Variants in VRTN observed in about 807,000 individuals in gnomAD.
VRTN encodes vertnin.
In VRTN, 5 loss-of-function variants were observed where a neutral mutation model predicts 18.2. The ratio of observed to expected loss-of-function variants is 0.27; its 90% CI spans 0.14 to 0.58. The LOEUF is 0.58. Ranked by LOEUF, VRTN falls within the 20% of genes least tolerant of loss-of-function variation. The pLI, the probability that VRTN is intolerant of heterozygous loss-of-function variation, is 0.91. For missense variants in VRTN, 741 were observed against 939.4 expected, an observed-to-expected ratio of 0.79 and a Z score of 2.76; for synonymous variants, 381 against 393.7, an observed-to-expected ratio of 0.97 and a Z score of 0.38.
intron 2 of VRTN, among the ~76,000 whole-genome samples, chr14:74,340,275 G>A (rs749331223): frequency 5.1e-4 from 78 of 152,236 alleles, no homozygotes; most frequent in Non-Finnish European, 9.6e-4. Flanking sequence ...ACCACGCCCG[G>A]CTAATTTTGT....
chr14:74,321,460 G>A (rs184702148), intron 1 of VRTN, among the ~76,000 whole-genome samples: 8 of 152,058 alleles, frequency 5.3e-5, no homozygotes, highest in East Asian at 1.9e-4. Context: ...GGAAGTAACC[G>A]GGATGTCTGG....
chr14:74,312,541 C>T (rs551272973), intron 1 of VRTN, among the ~76,000 whole-genome samples: 6 of 152,104 alleles, frequency 3.9e-5, no homozygotes, highest in East Asian at 1.9e-4. Flanking sequence ...GCCTCGACCT[C>T]CCAGGCTCGA....
chr14:74,356,719 C>CT, intron 1 of VRTN, 64 bp from the exon 2 acceptor site: 10 of 1,510,462 alleles, frequency 6.6e-6, no homozygotes, highest in Non-Finnish European at 8.0e-6. Flanking sequence ...GACAGGGCAC[C>CT]TTTGCTAGTC....
Position 74,358,374 on chromosome 14 carries a change from C to G in VRTN, c.1591C>G (p.Leu531Val), listed in dbSNP as rs762996034. The G allele has an allele frequency of 1.9e-6, 3 of 1,613,912 alleles. No individual in the cohort carries two copies. Among genetic ancestry groups the G allele is most frequent in the South Asian group, 2.2e-5 (2 of 91,088 alleles). Reference protein sequence around the residue: ...SGHLPFCRFRLRYPSLSPSAF... With the variant: ...SGHLPFCRFRVRYPSLSPSAF... Reference sequence around the variant, plus strand: ...GCATCTCCCTTTCTGCCGCTTCCGCCTCCGCTACCCCAGCCTGTCACCTTC... The same window carrying G: ...GCATCTCCCTTTCTGCCGCTTCCGCGTCCGCTACCCCAGCCTGTCACCTTC... Residue 531 changes from leucine to valine, a missense_variant, in exon 2 of 2, where the codon CTC becomes GTC. Physicochemically the swap from Leu to Val is conservative, Grantham distance 32. Coordinates refer to ENST00000256362, the MANE Select transcript of VRTN (RefSeq NM_018228.3). This position sits in a 1 kb window ranked among gnomAD's most constrained non-coding sequence, Gnocchi z 5.4.
intron 2 of VRTN, among the ~76,000 whole-genome samples, chr14:74,339,336 A>T (rs2085585262): frequency 6.6e-6 from 1 of 152,042 alleles, no homozygotes. Context: ...GAAGTAGGGG[A>T]GCTGAGACTC....
intron 1 of VRTN, among the ~76,000 whole-genome samples, chr14:74,308,032 C>T (rs2085365523): frequency 6.6e-6 from 1 of 152,122 alleles, no homozygotes; most frequent in African/African-American, 2.4e-5. Flanking sequence ...TTAGAGCCAA[C>T]TTAAAATTAG....
intron 1 of VRTN, among the ~76,000 whole-genome samples, chr14:74,325,213 G>A (rs66753939): frequency 0.034 from 5,116 of 152,212 alleles, 153 homozygotes; most frequent in African/African-American, 0.075. Flanking sequence ...CCTATACAGG[G>A]ACAGCTCCTG....
intron 1 of VRTN, among the ~76,000 whole-genome samples, chr14:74,330,690 C>T (rs1404153945): frequency 3.3e-5 from 5 of 151,912 alleles, no homozygotes; most frequent in Non-Finnish European, 7.4e-5. Flanking sequence ...ATCCGCCTGC[C>T]TCAGCCTCCC....
chr14:74,312,632 G>A (rs1365284151), intron 1 of VRTN, among the ~76,000 whole-genome samples: 5 of 151,814 alleles, frequency 3.3e-5, no homozygotes, highest in African/African-American at 4.8e-5. Context: ...TGTATTTTTT[G>A]TAGAGACGGG....
chr14:74,323,595 C>A (rs572200058), intron 1 of VRTN, among the ~76,000 whole-genome samples: 1 of 151,114 alleles, frequency 6.6e-6, no homozygotes, highest in East Asian at 1.9e-4. Flanking sequence ...AAAAAAAAAA[C>A]CAAACCAACA....
chr14:74,316,637 CTT>C (rs370697776), intron 1 of VRTN, among the ~76,000 whole-genome samples: 44 of 131,178 alleles, frequency 3.4e-4, no homozygotes, highest in East Asian at 7.0e-4. Flanking sequence ...AGGGATTATT[CTT>C]TTTTTTTTTT....
chr14:74,349,501 C>T (rs1371837704), intron 1 of VRTN, among the ~76,000 whole-genome samples: 2 of 152,122 alleles, frequency 1.3e-5, no homozygotes, highest in South Asian at 2.1e-4. Flanking sequence ...GAGAACACAG[C>T]GCCTGCTTTG....
chr14:74,351,461 A>G (rs139879588), intron 1 of VRTN, among the ~76,000 whole-genome samples: 361 of 150,312 alleles, frequency 2.4e-3, no homozygotes, highest in African/African-American at 8.4e-3. Flanking sequence ...TCCACAGCCT[A>G]GAAATTTTGT....
upstream of VRTN, among the ~76,000 whole-genome samples, chr14:74,344,670 G>T (rs1210430816): frequency 2.1e-5 from 3 of 143,378 alleles, no homozygotes; most frequent in Admixed American, 2.2e-4. Flanking sequence ...GGGAGGCAGA[G>T]GTTGCAGTGA....
intron 1 of VRTN, among the ~76,000 whole-genome samples, chr14:74,323,623 A>C (rs934843414): frequency 1.3e-5 from 2 of 151,750 alleles, no homozygotes; most frequent in African/African-American, 4.8e-5. Context: ...AAAAAAAACC[A>C]GTGCAGATTC....
Position 74,352,701 on chromosome 14 carries a change from C to T in VRTN, c.-2+4049C>T, listed in dbSNP as rs565578188. ...GTGCTGGGATTATAGGCGTGTGCCA[C>T]CACGCCTGGCCTTAAGCGTACAGTT... On this transcript the variant is annotated intron_variant, in intron 1 of 1. Transcript: ENST00000256362. Among the ~76,000 whole-genome samples the T allele has an allele frequency of 2.0e-5, 3 of 152,254 alleles. No homozygotes were observed. The South Asian group carries it at 6.2e-4, about 32-fold the overall frequency.
chr14:74,303,203 T>C, intron 1 of VRTN: 1 of 370,512 alleles, frequency 2.7e-6, no homozygotes, highest in Non-Finnish European at 4.8e-6. Flanking sequence ...CTGTGTATAA[T>C]AGATGTTTTA....
At chr14:74,336,294 C>A (rs2085563681) in intron 1 of VRTN, among the ~76,000 whole-genome samples, 1 of 151,902 alleles carries the variant, frequency 6.6e-6, no homozygotes, top group South Asian at 2.1e-4. Flanking sequence ...GTAATCCCAG[C>A]TGCTCGGGAG....
At chr14:74,343,840 G>C (rs1206958121), upstream of VRTN, among the ~76,000 whole-genome samples, 1 of 151,930 alleles carries the variant, frequency 6.6e-6, no homozygotes, top group Non-Finnish European at 1.5e-5. Flanking sequence ...TCTGTCACCA[G>C]GCTGGAGTAC....
Sources: allele counts gnomAD v4.1 joint callset (sites outside exome capture counted in the v4.1 genomes callset), GRCh38; gene constraint gnomAD v4.1.1; non-coding constraint Gnocchi (gnomAD v3.1); transcripts MANE v1.5; gene names NCBI Gene and HGNC (gene_info 2026-07-23, HGNC 2026-07-21).